Variants in TRIP12 observed in about 807,000 individuals in gnomAD.
TRIP12 encodes thyroid hormone receptor interactor 12.
A neutral mutation model predicts 244.2 loss-of-function variants in TRIP12; 25 were observed. The observed-to-expected ratio is 0.10, with a 90% CI of 0.07 to 0.14. TRIP12 has a LOEUF of 0.14. Among genes scored for constraint, TRIP12 ranks in the 10% least tolerant of loss-of-function variants. TRIP12 has a pLI of 1.00. For missense variants in TRIP12, 1,677 were observed against 2,486.4 expected, an observed-to-expected ratio of 0.67 and a Z score of 6.92; for synonymous variants, 905 against 873.1, an observed-to-expected ratio of 1.04 and a Z score of -0.64.
At position 229,840,069 on chromosome 2, in the gene TRIP12, G is replaced by T. The variant is rs111864632; in HGVS notation, c.1133+753C>A. Among the ~76,000 whole-genome samples the T allele has an allele frequency of 5.9e-3, 906 of 152,284 alleles. 10 individuals are homozygous for T. The highest frequency in any genetic ancestry group is 0.02 in the African/African-American group (825 of 41,574). On this transcript the variant is annotated intron_variant, in intron 5 of 41. Transcript: ENST00000675903. Reference sequence around the variant, plus strand: ...ACTTTTAGAAACCAACTGGGCAACAGTACAGCCATTAAAACAGGCATCCTT... The same window carrying T: ...ACTTTTAGAAACCAACTGGGCAACATTACAGCCATTAAAACAGGCATCCTT...
At chr2:229,795,595 CCAAA>C (rs1379566348) in intron 25 of TRIP12, among the ~76,000 whole-genome samples, 1 of 152,134 alleles carries the variant, frequency 6.6e-6, no homozygotes, top group Non-Finnish European at 1.5e-5. Context: ...AAAATCTGAT[CCAAA>C]CAGACATAAG....
chr2:229,891,099 A>C (rs567089001), intron 1 of TRIP12, among the ~76,000 whole-genome samples: 15 of 152,202 alleles, frequency 9.9e-5, no homozygotes, highest in African/African-American at 3.1e-4. Flanking sequence ...GGGCAATATA[A>C]GGAGACCCCA....
chr2:229,870,257 A>G (rs1423567560), intron 2 of TRIP12, among the ~76,000 whole-genome samples: 1 of 152,252 alleles, frequency 6.6e-6, no homozygotes, highest in African/African-American at 2.4e-5. Flanking sequence ...AATCTTTTTA[A>G]TAATTCAAAA....
At chr2:229,825,708 G>A (rs2051372406) in intron 8 of TRIP12, among the ~76,000 whole-genome samples, 1 of 152,156 alleles carries the variant, frequency 6.6e-6, no homozygotes, top group South Asian at 2.1e-4. Context: ...CCTCCCAGTG[G>A]GGATTATGGG....
Position 229,795,239 on chromosome 2 carries a change from T to C in TRIP12, c.3908A>G (p.Gln1303Arg). Reference sequence around the variant, plus strand: ...TACTTTGACTGGAAATTGTTCCATCTGGCTGAGGCAGTTGTTCATCTTGTG... The same window carrying C: ...TACTTTGACTGGAAATTGTTCCATCCGGCTGAGGCAGTTGTTCATCTTGTG... The part of the protein sequence containing the change: ...LVHKMNNCLS[Q>R]MEQFPVKVHD... The change falls in exon 26 of 42, where the codon CAG becomes CGG. Residue 1303 changes from glutamine (Q) to arginine (R), a missense_variant. Physicochemically the swap from Gln to Arg is conservative, Grantham distance 43 (BLOSUM62 1). Coordinates refer to ENST00000675903, the MANE Select transcript of TRIP12 (RefSeq NM_001348323.3). The C allele has an allele frequency of 6.2e-7, 1 of 1,614,080 alleles. No individual in the cohort carries two copies.
intron 39 of TRIP12, among the ~76,000 whole-genome samples, chr2:229,769,721 AT>A (rs959332382): frequency 1.6e-4 from 25 of 152,282 alleles, no homozygotes; most frequent in African/African-American, 5.8e-4. Flanking sequence ...ACAGTAACAG[AT>A]GCCAAGGGAG....
intron 37 of TRIP12, among the ~76,000 whole-genome samples, chr2:229,776,834 A>C (rs2036413591): frequency 6.6e-6 from 1 of 152,242 alleles, no homozygotes; most frequent in Non-Finnish European, 1.5e-5. Flanking sequence ...GTTCAAGGTT[A>C]TCTATGAGAT....
Position 229,836,943 on chromosome 2 carries a change from G to A in TRIP12, c.1175C>T (p.Ala392Val), listed in dbSNP as rs2054979526. 6.3e-7 allele frequency: 1 copy of A among 1,593,530 alleles called. No homozygotes were observed. Among genetic ancestry groups the A allele is most frequent in the Admixed American group, 1.8e-5 (1 of 55,188 alleles). The part of the protein sequence containing the change: ...SGLGKRGAAE[A>V]RRQEKMADPE... ...GTCTGCCATTTTCTCCTGTCGACGA[G>A]CTTCAGCTGCTCCTCTTTTGCCCAG... The change falls in exon 6 of 42, where the codon GCT becomes GTT. Residue 392 changes from alanine (A) to valine (V), a missense_variant. Physicochemically the swap from Ala to Val is moderately conservative, Grantham distance 64 (BLOSUM62 0). This residue lies in a region of TRIP12 where 143 missense variants were observed against 215.6 expected (regional missense o/e 0.66). Transcript: ENST00000675903.
chr2:229,819,564 T>A (rs559838536), intron 8 of TRIP12, among the ~76,000 whole-genome samples: 4 of 152,282 alleles, frequency 2.6e-5, no homozygotes, highest in South Asian at 2.1e-4. Context: ...TAATTAATTT[T>A]AAAAAATAAA....
At chr2:229,869,762 A>C (rs889055661) in intron 2 of TRIP12, among the ~76,000 whole-genome samples, 1 of 152,248 alleles carries the variant, frequency 6.6e-6, no homozygotes, top group Non-Finnish European at 1.5e-5. Context: ...CATTATCTCC[A>C]GAATCAGAAC....
At chr2:229,821,675 A>G (rs1296080389) in intron 8 of TRIP12, among the ~76,000 whole-genome samples, 22 of 152,322 alleles carry the variant, frequency 1.4e-4, no homozygotes, top group Non-Finnish European at 4.4e-5. Flanking sequence ...TCTTAAGAGT[A>G]CACAGGTAGT....
chr2:229,864,047 A>AGAGAGAGAGAGAGAGTGTGT lies in TRIP12; in HGVS notation c.99-3517_99-3516insACACACTCTCTCTCTCTCTC. Among the ~76,000 whole-genome samples the AGAGAGAGAGAGAGAGTGTGT allele has an allele frequency of 2.9e-3, 233 of 79,236 alleles. 1 individual carries two copies. Among genetic ancestry groups the AGAGAGAGAGAGAGAGTGTGT allele is most frequent in the Non-Finnish European group, 4.5e-3 (175 of 39,268 alleles). The allele number at this position is 79,236 out of a possible 152,430, so 52.0% of individuals were successfully genotyped here. A position where few individuals can be genotyped will look rare whatever the true frequency, so the allele number is the denominator to read the frequency against. ...GAGAGAGAGAGAGAGAGAGAGAGAG[A>AGAGAGAGAGAGAGAGTGTGT]GTGTGTGTGTGTGTGTGTGTGTGTG... is the stretch of plus-strand genomic sequence containing the variant. On this transcript the variant is annotated intron_variant, in intron 2 of 41. Coordinates refer to ENST00000675903, the MANE Select transcript of TRIP12 (RefSeq NM_001348323.3).
At chr2:229,789,351 C>T (rs1013269009) in intron 31 of TRIP12, among the ~76,000 whole-genome samples, 4 of 152,174 alleles carry the variant, frequency 2.6e-5, no homozygotes, top group African/African-American at 9.7e-5. Flanking sequence ...TATAATAAAT[C>T]CATGTTCAAG....
At position 229,769,882 on chromosome 2, in the gene TRIP12, A is replaced by G. The variant is rs1436127188; in HGVS notation, c.5809-557T>C. Among the ~76,000 whole-genome samples the G allele has an allele frequency of 6.6e-5, 10 of 152,342 alleles. No individual in the cohort carries two copies. In the South Asian group the frequency reaches 1.2e-3, roughly 19 times the overall value. ...CCAGATATTATAGAATGAATATTAG[A>G]AAGCAATAAATGCTTTCATGTCCTT... On this transcript the variant is annotated intron_variant, in intron 39 of 41. Transcript: ENST00000675903.
At chr2:229,857,769 T>A (rs1279840179) in intron 4 of TRIP12, among the ~76,000 whole-genome samples, 1 of 152,238 alleles carries the variant, frequency 6.6e-6, no homozygotes, top group African/African-American at 2.4e-5. Context: ...AACTGACTCA[T>A]GAAGGAATGC....
intron 1 of TRIP12, among the ~76,000 whole-genome samples, chr2:229,889,433 A>C (rs16826441): frequency 0.011 from 1,738 of 152,298 alleles, 81 homozygotes; most frequent in East Asian, 0.086. Context: ...TAGAATACTA[A>C]CTGCATTCAT....
chr2:229,913,231 A>T (rs1331068013), intron 1 of TRIP12, among the ~76,000 whole-genome samples: 1 of 152,218 alleles, frequency 6.6e-6, no homozygotes, highest in Non-Finnish European at 1.5e-5. Context: ...CTTAATTTAC[A>T]TTCTAATATC....
Position 229,840,874 on chromosome 2 carries a change from T to A in TRIP12, c.1081A>T (p.Ser361Cys). 6.2e-7 allele frequency: 1 copy of A among 1,610,866 alleles called. No individual in the cohort carries two copies. The highest frequency in any genetic ancestry group is 8.5e-7 in the Non-Finnish European group (1 of 1,179,148). Reference protein sequence around the residue: ...RSESPPAELPSLRRSTRQKTT... With the variant: ...RSESPPAELPCLRRSTRQKTT... ...TTTTGGCGTGTGCTCCGCCTCAAAC[T>A]GGGGAGCTCAGCAGGTGGAGACTCA... Residue 361 changes from serine (S) to cysteine (C), a missense_variant, in exon 5 of 42, where the codon AGT becomes TGT. By Grantham distance (112) the Ser-to-Cys change is moderately radical. Coordinates refer to ENST00000675903, the MANE Select transcript of TRIP12 (RefSeq NM_001348323.3).
At chr2:229,843,690 A>G (rs1347375936) in intron 4 of TRIP12, among the ~76,000 whole-genome samples, 1 of 152,228 alleles carries the variant, frequency 6.6e-6, no homozygotes, top group Non-Finnish European at 1.5e-5. Context: ...ACCAGCATCA[A>G]CAACACTGTA....
Sources: allele counts gnomAD v4.1 joint callset (sites outside exome capture counted in the v4.1 genomes callset), GRCh38; gene constraint gnomAD v4.1.1; regional missense constraint gnomAD v4.1.1; transcripts MANE v1.5; gene names NCBI Gene and HGNC (gene_info 2026-07-23, HGNC 2026-07-21).